The following ZHX2 variants were observed in gnomAD, a reference collection of about 807,000 sequenced individuals.
The protein encoded by ZHX2 is zinc fingers and homeoboxes 2, also known as zinc fingers and homeoboxes protein 2.
Under a neutral mutation model 21.9 loss-of-function variants are expected in ZHX2, and 6 were observed. The observed-to-expected ratio is 0.27, with a 90% CI of 0.15 to 0.54. ZHX2 has a LOEUF of 0.54. Among genes scored for constraint, ZHX2 ranks in the 20% least tolerant of loss-of-function variants. ZHX2 has a pLI of 0.95. For missense variants in ZHX2, 908 were observed against 1,090.7 expected, an observed-to-expected ratio of 0.83 and a Z score of 2.36; for synonymous variants, 434 against 437.1, an observed-to-expected ratio of 0.99 and a Z score of 0.09.
chr8:122,891,270 T>TTGTGTGTG (rs59893492), intron 2 of ZHX2, among the ~76,000 whole-genome samples: 22 of 77,662 alleles, frequency 2.8e-4, no homozygotes, highest in South Asian at 5.6e-4. Context: ...TCTTGGTAGA[T>TTGTGTGTG]TGTGTGTGTG....
At chr8:122,911,382 C>T (rs1021864740) in intron 2 of ZHX2, among the ~76,000 whole-genome samples, 7 of 152,106 alleles carry the variant, frequency 4.6e-5, no homozygotes, top group African/African-American at 1.7e-4. Flanking sequence ...GGCCTTCACA[C>T]CCTCTTCCCC....
intron 1 of ZHX2, among the ~76,000 whole-genome samples, chr8:122,859,862 T>C (rs566676414): frequency 1.3e-5 from 2 of 152,348 alleles, no homozygotes; most frequent in South Asian, 4.1e-4. Flanking sequence ...CAGATATATA[T>C]GGGTACCCAA....
chr8:122,920,462 T>TG (rs1463672437), intron 2 of ZHX2, among the ~76,000 whole-genome samples: 3 of 152,214 alleles, frequency 2.0e-5, no homozygotes, highest in Non-Finnish European at 4.4e-5. Flanking sequence ...ACACCCATGC[T>TG]GTTGAATAAC....
intron 2 of ZHX2, among the ~76,000 whole-genome samples, chr8:122,925,300 G>A (rs1820823045): frequency 6.6e-6 from 1 of 152,210 alleles, no homozygotes; most frequent in Non-Finnish European, 1.5e-5. Flanking sequence ...TCAAGAGATA[G>A]GCAGCGTAGA....
intron 2 of ZHX2, among the ~76,000 whole-genome samples, chr8:122,929,802 C>T (rs1222930881): frequency 2.6e-5 from 4 of 152,172 alleles, no homozygotes; most frequent in South Asian, 4.1e-4. Flanking sequence ...CTATGGAGTA[C>T]ACAGGTTACC....
At chr8:122,915,996 G>C (rs368985975) in intron 2 of ZHX2, among the ~76,000 whole-genome samples, 1 of 152,186 alleles carries the variant, frequency 6.6e-6, no homozygotes, top group East Asian at 1.9e-4. Flanking sequence ...AGAGCCAGCA[G>C]ACTCTAGTTC....
rs368162149 is a variant in ZHX2 at position 122,970,377 on chromosome 8, G to A, written c.*5-2865G>A. ...AAATGCCTGTTGAGTATGCTGCATG[G>A]GCCAGACTCCACAGGGAGCGGATGG... On this transcript the variant is annotated intron_variant, in intron 3 of 3. Transcript: ENST00000314393. 2.0e-5 allele frequency among the ~76,000 whole-genome samples: 3 copies of A among 152,290 alleles called. No individual in the cohort carries two copies. In the East Asian group the frequency reaches 5.8e-4, roughly 29 times the overall value.
chr8:122,857,345 A>G (rs1197516256), intron 1 of ZHX2, among the ~76,000 whole-genome samples: 1 of 149,074 alleles, frequency 6.7e-6, no homozygotes, highest in East Asian at 2.0e-4. Flanking sequence ...TTGGCAAGTG[A>G]CACTGTCACA....
At chr8:122,957,861 T>C (rs1317717678) in intron 3 of ZHX2, among the ~76,000 whole-genome samples, 1 of 152,200 alleles carries the variant, frequency 6.6e-6, no homozygotes. Flanking sequence ...AGGCACTCCT[T>C]AAAGGAATCT....
chr8:122,935,651 T>C (rs1812666304), intron 2 of ZHX2, among the ~76,000 whole-genome samples: 1 of 151,344 alleles, frequency 6.6e-6, no homozygotes, highest in Non-Finnish European at 1.5e-5. Context: ...TTCTCCTGCC[T>C]CAGCCTCCCA....
rs1224765895 is a variant in ZHX2 at position 122,805,044 on chromosome 8, C to T, written c.-283+23098C>T. On this transcript the variant is annotated intron_variant, in intron 1 of 3. Transcript: ENST00000314393. The stretch of plus-strand genomic sequence containing the variant: ...TGAAGTCCCTTCATCTAAACTCTTT[C>T]ATTCTGTGACACTAAGAATCAGGCT... 2.6e-5 allele frequency among the ~76,000 whole-genome samples: 4 copies of T among 152,170 alleles called. No individual in the cohort carries two copies. The South Asian group carries it at 8.3e-4, about 31-fold the overall frequency.
intron 2 of ZHX2, among the ~76,000 whole-genome samples, chr8:122,868,891 A>G (rs1411713333): frequency 6.6e-6 from 1 of 152,188 alleles, no homozygotes; most frequent in Non-Finnish European, 1.5e-5. Flanking sequence ...AATGAAATCT[A>G]TGCGAAGCAG....
At chr8:122,899,877 T>C (rs1295453978) in intron 2 of ZHX2, among the ~76,000 whole-genome samples, 2 of 152,240 alleles carry the variant, frequency 1.3e-5, no homozygotes, top group Non-Finnish European at 2.9e-5. Context: ...CATAATCTCA[T>C]GCTACTGCTT....
Position 122,891,269 on chromosome 8 carries a change from ATTGTGTGT to A in ZHX2, c.-220+27731_-220+27738del, listed in dbSNP as rs1180382780. 5.4e-3 allele frequency among the ~76,000 whole-genome samples: 743 copies of A among 138,822 alleles called. 8 individuals carry two copies. Among genetic ancestry groups the A allele is most frequent in the Non-Finnish European group, 7.4e-3 (470 of 63,730 alleles). 91.1% of individuals were successfully genotyped at this position (138,822 alleles called of 152,430 possible). A position where few individuals can be genotyped will look rare whatever the true frequency, so the allele number is the denominator to read the frequency against. ...TTTCTTCCTGGTTCAATCTTGGTAG[ATTGTGTGT>A]GTGTGTGTGTGTGTGTGTGTGTGTG... On this transcript the variant is annotated intron_variant, in intron 2 of 3. Transcript: ENST00000314393.
intron 2 of ZHX2, among the ~76,000 whole-genome samples, chr8:122,913,109 A>G (rs1820519534): frequency 6.6e-6 from 1 of 152,200 alleles, no homozygotes; most frequent in East Asian, 1.9e-4. Flanking sequence ...CTTCATATGA[A>G]GGGAATCATA....
rs1022299009 is a variant in ZHX2 at position 122,951,999 on chromosome 8, G to A, written c.489G>A (p.Val163=). ...EQSIETTNHV[V]SITTSGPGTG... ...CCATCGAAACCACCAACCATGTCGTGTCCATCACCACCAGTGGCCCTGGAA... is the reference window on the plus strand; with the variant it reads ...CCATCGAAACCACCAACCATGTCGTATCCATCACCACCAGTGGCCCTGGAA... The change falls in exon 3 of 4, where the codon GTG becomes GTA. Residue 163 remains valine, a synonymous_variant. Coordinates refer to ENST00000314393, the MANE Select transcript of ZHX2 (RefSeq NM_014943.5). The A allele has an allele frequency of 2.5e-6, 4 of 1,613,348 alleles. No individual in the cohort carries two copies. Among genetic ancestry groups the A allele is most frequent in the Non-Finnish European group, 2.5e-6 (3 of 1,179,984 alleles).
chr8:122,908,419 A>G (rs577679162), intron 2 of ZHX2, among the ~76,000 whole-genome samples: 156 of 152,204 alleles, frequency 1.0e-3, no homozygotes, highest in Middle Eastern at 3.4e-3. Context: ...CATGTTGGCC[A>G]GGCTGGTCTG....
intron 1 of ZHX2, among the ~76,000 whole-genome samples, chr8:122,819,506 A>AC (rs1818099007): frequency 6.6e-6 from 1 of 152,248 alleles, no homozygotes; most frequent in South Asian, 2.1e-4. Flanking sequence ...GAAAAAGATT[A>AC]CCTGGGAACA....
Position 122,828,977 on chromosome 8 carries a change from A to G in ZHX2, c.-282-34500A>G, listed in dbSNP as rs1338990157. On this transcript the variant is annotated intron_variant, in intron 1 of 3. Coordinates refer to ENST00000314393, the MANE Select transcript of ZHX2 (RefSeq NM_014943.5). This position sits in a 1 kb window ranked among gnomAD's most constrained non-coding sequence, Gnocchi z 5.2. Reference sequence around the variant, plus strand: ...TAAAACACTACATTTCACCAAAAAGAAAACATTTACTTAACTCTGAGCCAT... The same window carrying G: ...TAAAACACTACATTTCACCAAAAAGGAAACATTTACTTAACTCTGAGCCAT... Among the ~76,000 whole-genome samples the G allele has an allele frequency of 6.6e-6, 1 of 152,240 alleles. No individual in the cohort carries two copies. The highest frequency in any genetic ancestry group is 2.4e-5 in the African/African-American group (1 of 41,460).
Sources: allele counts gnomAD v4.1 joint callset (sites outside exome capture counted in the v4.1 genomes callset), GRCh38; gene constraint gnomAD v4.1.1; non-coding constraint Gnocchi (gnomAD v3.1); transcripts MANE v1.5; gene names NCBI Gene and HGNC (gene_info 2026-07-23, HGNC 2026-07-21).